PKHD1: variants seen among roughly 807,000 people sequenced by gnomAD.
PKHD1 encodes the protein PKHD1 ciliary IPT domain containing fibrocystin/polyductin.
A neutral mutation model predicts 412.0 loss-of-function variants in PKHD1; 291 were observed. That is an observed-to-expected ratio of 0.71 (90% CI 0.64 to 0.78). PKHD1 has a LOEUF of 0.78. Ranked by LOEUF, PKHD1 falls within the 30% of genes least tolerant of loss-of-function variation. The probability of loss-of-function intolerance (pLI) is 0.00; values close to 1 mark genes in which losing one functional copy is unlikely to be tolerated. For missense variants in PKHD1, 4,825 were observed against 4,950.7 expected (o/e 0.97, Z 0.76); for synonymous variants, 1,777 against 1,821.5 (o/e 0.98, Z 0.62).
At chr6:51,671,652 C>T (rs589807) in intron 60 of PKHD1, among the ~76,000 whole-genome samples, 75,732 of 151,860 alleles carry the variant, frequency 0.5, 21,639 homozygotes, top group Non-Finnish European at 0.65. Context: ...AGTTTCTGTG[C>T]TCTGTTTTTT....
intron 37 of PKHD1, among the ~76,000 whole-genome samples, chr6:51,917,580 C>G (rs1289907746): frequency 6.6e-6 from 1 of 152,086 alleles, no homozygotes; most frequent in Non-Finnish European, 1.5e-5. Context: ...GAATGCTTCC[C>G]AGAAGAGGTG....
At chr6:52,064,897 A>T in intron 13 of PKHD1, 58 bp downstream of exon 13, 1 of 766,346 alleles carries the variant, frequency 1.3e-6, no homozygotes, top group Non-Finnish European at 2.1e-6. Context: ...TCTACTCGCC[A>T]GCCCATCATG....
At chr6:51,772,850 A>T in intron 54 of PKHD1, 61 bp from the exon 55 acceptor site, 1 of 921,634 alleles carries the variant, frequency 1.1e-6, no homozygotes, top group Non-Finnish European at 1.8e-6. Flanking sequence ...AAAGCCAGGT[A>T]AGTAAAAGTC....
At chr6:51,964,369 G>A (rs1792501903) in intron 35 of PKHD1, among the ~76,000 whole-genome samples, 1 of 152,086 alleles carries the variant, frequency 6.6e-6, no homozygotes, top group Admixed American at 6.6e-5. Flanking sequence ...AGAAATAACT[G>A]TTCTGACACC....
At chr6:51,798,980 G>C (rs1192641077) in intron 52 of PKHD1, among the ~76,000 whole-genome samples, 1 of 152,086 alleles carries the variant, frequency 6.6e-6, no homozygotes, top group Non-Finnish European at 1.5e-5. Context: ...ACCCCTTTCA[G>C]AAGAAATTTT....
chr6:51,795,094 T>C (rs890520441), intron 52 of PKHD1, among the ~76,000 whole-genome samples: 8 of 152,222 alleles, frequency 5.3e-5, no homozygotes, highest in Non-Finnish European at 1.0e-4. Flanking sequence ...GGAATAGCAA[T>C]GAATCTATAA....
chr6:51,836,701 A>C (rs1361935545), intron 50 of PKHD1, among the ~76,000 whole-genome samples: 1 of 152,202 alleles, frequency 6.6e-6, no homozygotes, highest in Non-Finnish European at 1.5e-5. Context: ...ACTGGCACAT[A>C]AATAATTAGG....
At chr6:52,043,237 C>A in intron 26 of PKHD1, 103 bp from the exon 27 acceptor site, 1 of 880,686 alleles carries the variant, frequency 1.1e-6, no homozygotes, top group Non-Finnish European at 1.7e-6. Flanking sequence ...TTCTCTGCCC[C>A]CATCCCCTCC....
At chr6:51,726,479 T>C (rs984032625) in intron 60 of PKHD1, among the ~76,000 whole-genome samples, 21 of 152,236 alleles carry the variant, frequency 1.4e-4, no homozygotes, top group African/African-American at 5.1e-4. Flanking sequence ...ACCTCTTTTC[T>C]GCCATCCTAT....
chr6:51,695,872 C>G (rs1778742145), intron 60 of PKHD1, among the ~76,000 whole-genome samples: 2 of 152,068 alleles, frequency 1.3e-5, no homozygotes, highest in African/African-American at 4.8e-5. Context: ...TATCTTGTGT[C>G]TGTTGTACAT....
chr6:51,667,114 C>G (rs927574433), intron 60 of PKHD1, among the ~76,000 whole-genome samples: 2 of 146,900 alleles, frequency 1.4e-5, no homozygotes, highest in Non-Finnish European at 3.0e-5. Context: ...CCTGAGGAAT[C>G]GCCACACTGA....
chr6:51,815,335 C>G (rs1293538872), intron 52 of PKHD1, among the ~76,000 whole-genome samples: 2 of 152,016 alleles, frequency 1.3e-5, no homozygotes, highest in African/African-American at 4.8e-5. Context: ...GAAATATATC[C>G]AAGGTGTTGT....
intron 60 of PKHD1, among the ~76,000 whole-genome samples, chr6:51,731,397 G>C (rs1391526022): frequency 6.6e-6 from 1 of 152,160 alleles, no homozygotes; most frequent in Non-Finnish European, 1.5e-5. Flanking sequence ...AGAGAAATGT[G>C]AATAGATTTC....
At chr6:51,768,806 T>C (rs1789562545) in intron 55 of PKHD1, among the ~76,000 whole-genome samples, 1 of 151,710 alleles carries the variant, frequency 6.6e-6, no homozygotes. Context: ...AATGTTTATT[T>C]TGTATTATTA....
chr6:51,710,804 T>G (rs1360908787), intron 60 of PKHD1, among the ~76,000 whole-genome samples: 1 of 152,190 alleles, frequency 6.6e-6, no homozygotes, highest in Non-Finnish European at 1.5e-5. Flanking sequence ...TCTATAAAAA[T>G]GAGAAGACTG....
At chr6:51,782,227 G>C (rs1792152972) in intron 53 of PKHD1, among the ~76,000 whole-genome samples, 1 of 152,064 alleles carries the variant, frequency 6.6e-6, no homozygotes, top group Non-Finnish European at 1.5e-5. Flanking sequence ...CAATAGGACA[G>C]AAGAATATTT....
chr6:51,648,155 T>G (rs750737519), intron 62 of PKHD1, 37 bp from the exon 63 acceptor site: 2 of 1,191,952 alleles, frequency 1.7e-6, no homozygotes, highest in Non-Finnish European at 2.5e-6. Flanking sequence ...GAAGAAAAAG[T>G]TGGATTCAGA....
intron 52 of PKHD1, among the ~76,000 whole-genome samples, chr6:51,803,467 C>T (rs2209638): frequency 0.6 from 90,328 of 150,004 alleles, 28,107 homozygotes; most frequent in East Asian, 0.83. Context: ...CTAAAATATC[C>T]TTGCTTGGTA....
intron 64 of PKHD1, 129 bp downstream of exon 64, chr6:51,638,720 A>G: frequency 1.4e-6 from 1 of 713,340 alleles, no homozygotes; most frequent in Non-Finnish European, 2.5e-6. Context: ...CAGTCAAGTG[A>G]ATTTATTTTC....
Sources: gnomAD v4.1 joint callset for allele counts (sites outside exome capture counted in the v4.1 genomes callset) on GRCh38, gnomAD v4.1.1 for gene constraint, MANE v1.5 for transcripts, NCBI Gene and HGNC (gene_info 2026-07-23, HGNC 2026-07-21) for gene names.